SORCS1: variants seen among roughly 807,000 people sequenced by gnomAD.
SORCS1 encodes the protein VPS10 domain-containing receptor SorCS1.
A neutral mutation model predicts 146.1 loss-of-function variants in SORCS1; 60 were observed. The observed-to-expected ratio is 0.41, with a 90% CI of 0.33 to 0.51. The LOEUF (loss-of-function observed/expected upper bound fraction) is 0.51. Ranked by LOEUF, SORCS1 falls within the 20% of genes least tolerant of loss-of-function variation. The pLI is 0.21. For synonymous variants in SORCS1, 637 were observed against 584.0 expected (o/e 1.09, Z -1.31); for missense variants, 1,352 against 1,487.6 (o/e 0.91, Z 1.50).
rs148365903 is a variant in SORCS1, at chr10:107,007,864, C to T, written c.559-51284G>A. Among the ~76,000 whole-genome samples, 6 of 152,278 alleles carry T rather than the reference C, an allele frequency of 3.9e-5. No homozygotes were observed. In the East Asian group the frequency reaches 1.2e-3, roughly 29 times the overall value. The stretch of plus-strand genomic sequence containing the variant: ...AGCTGTGCAATAACAAACGAACATA[C>T]AACATATTCTTCACTTGTTCTTGGC... On this transcript the variant is annotated intron_variant, in intron 1 of 25. Coordinates refer to ENST00000263054, the MANE Select transcript of SORCS1 (RefSeq NM_052918.5).
intron 3 of SORCS1, among the ~76,000 whole-genome samples, chr10:106,803,760 G>C (rs969161984): frequency 2.0e-5 from 3 of 152,160 alleles, no homozygotes; most frequent in Admixed American, 2.0e-4. Flanking sequence ...TGTCAGAATT[G>C]TTACAGCCAA....
At chr10:107,163,620 C>T (rs1381755956) in intron 1 of SORCS1, among the ~76,000 whole-genome samples, 1 of 152,182 alleles carries the variant, frequency 6.6e-6, no homozygotes, top group African/African-American at 2.4e-5. Context: ...GTCAGCTTGC[C>T]TGGAAATTTA....
At chr10:106,986,347 TAAG>T (rs1956469641) in intron 1 of SORCS1, among the ~76,000 whole-genome samples, 1 of 152,164 alleles carries the variant, frequency 6.6e-6, no homozygotes, top group Non-Finnish European at 1.5e-5. Context: ...CTTACATATT[TAAG>T]AAGCTCAACA....
At chr10:106,762,386 CTTTTTTTT>C (rs869195563) in intron 4 of SORCS1, among the ~76,000 whole-genome samples, 3 of 73,828 alleles carry the variant, frequency 4.1e-5, no homozygotes, top group African/African-American at 1.2e-4. Context: ...TTTTATTATT[CTTTTTTTT>C]TTTTTTTTTT....
intron 2 of SORCS1, among the ~76,000 whole-genome samples, chr10:106,849,898 G>GGGGGTCA (rs1394467131): frequency 2.0e-5 from 3 of 151,850 alleles, no homozygotes; most frequent in Non-Finnish European, 4.4e-5. Flanking sequence ...TAGGCTGCTC[G>GGGGGTCA]GGGGTCAGGG....
At chr10:106,793,166 C>T (rs1007801783) in intron 3 of SORCS1, among the ~76,000 whole-genome samples, 9 of 152,112 alleles carry the variant, frequency 5.9e-5, no homozygotes, top group South Asian at 2.1e-4. Context: ...TACTAGAACA[C>T]GGAAAAGCAC....
chr10:106,720,306 C>A (rs527523249), intron 6 of SORCS1, among the ~76,000 whole-genome samples: 2 of 152,098 alleles, frequency 1.3e-5, no homozygotes, highest in East Asian at 1.9e-4. Context: ...GTGAAACAGA[C>A]CTGGCTTTAA....
intron 3 of SORCS1, among the ~76,000 whole-genome samples, chr10:106,818,687 C>T (rs1025578148): frequency 7.2e-5 from 11 of 152,166 alleles, no homozygotes; most frequent in African/African-American, 2.4e-4. Flanking sequence ...AGTAAGATAG[C>T]AGTGGAAATT....
chr10:106,989,307 A>AG (rs1462786587), intron 1 of SORCS1, among the ~76,000 whole-genome samples: 2 of 134,166 alleles, frequency 1.5e-5, no homozygotes, highest in Non-Finnish European at 3.4e-5. Context: ...AGAATACTCC[A>AG]ATGCCTTTCC....
chr10:107,017,924 C>T (rs1235189239), intron 1 of SORCS1, among the ~76,000 whole-genome samples: 3 of 152,126 alleles, frequency 2.0e-5, no homozygotes, highest in Non-Finnish European at 4.4e-5. Context: ...CCTTGGCCTC[C>T]CAAAGTGCTG....
Position 106,579,454 on chromosome 10 carries a change from G to T in SORCS1, c.3286C>A (p.Pro1096Thr). ...LTAAPLVDLTPTHSGSAMLML... is the reference protein window; with the variant it reads ...LTAAPLVDLTTTHSGSAMLML... ...AGCATGGCAGATCCACTGTGGGTTG[G>T]AGTGAGGTCCACCAGGGGGGCTTGT... Residue 1096 changes from proline (P) to threonine (T), a missense_variant, in exon 25 of 26, where the codon CCA becomes ACA. Physicochemically the swap from Pro to Thr is conservative, Grantham distance 38. Around this residue, in one of 3 missense-constraint regions of SORCS1, gnomAD observed 214 missense variants for 204.8 expected, o/e 1.05. Transcript: ENST00000263054. 1 of 1,613,816 alleles carries T rather than the reference G, an allele frequency of 6.2e-7. No individual in the cohort carries two copies. Among genetic ancestry groups the T allele is most frequent in the East Asian group, 2.2e-5 (1 of 44,848 alleles).
At chr10:106,839,754 T>A (rs1273186900) in intron 2 of SORCS1, among the ~76,000 whole-genome samples, 1 of 152,234 alleles carries the variant, frequency 6.6e-6, no homozygotes, top group African/African-American at 2.4e-5. Flanking sequence ...TGGGGGCTAA[T>A]GCAATTGGTG....
At chr10:106,746,285 G>A (rs959340183) in intron 5 of SORCS1, among the ~76,000 whole-genome samples, 2 of 152,140 alleles carry the variant, frequency 1.3e-5, no homozygotes, top group Admixed American at 6.5e-5. Context: ...GTTAACATTA[G>A]GTAAAGCTGG....
intron 3 of SORCS1, among the ~76,000 whole-genome samples, chr10:106,796,455 T>C (rs1946556611): frequency 6.6e-6 from 1 of 152,190 alleles, no homozygotes; most frequent in Non-Finnish European, 1.5e-5. Flanking sequence ...TGAAGGAAAA[T>C]TCTTCCACTG....
At chr10:107,078,124 T>C (rs1313459854) in intron 1 of SORCS1, among the ~76,000 whole-genome samples, 2 of 152,172 alleles carry the variant, frequency 1.3e-5, no homozygotes, top group East Asian at 1.9e-4. Context: ...TCCAATGTGA[T>C]GTACAACATT....
intron 4 of SORCS1, among the ~76,000 whole-genome samples, chr10:106,770,328 CAT>C (rs113136892): frequency 5.3e-5 from 8 of 152,224 alleles, no homozygotes; most frequent in African/African-American, 1.9e-4. Context: ...TACTTGGACT[CAT>C]AGAGCTCCAA....
rs527338653 is a variant in SORCS1, at chr10:107,028,469, A to G, written c.559-71889T>C. Among the ~76,000 whole-genome samples the G allele has an allele frequency of 2.6e-5, 4 of 152,362 alleles. No individual in the cohort carries two copies. The South Asian group carries it at 8.3e-4, about 32-fold the overall frequency. On this transcript the variant is annotated intron_variant, in intron 1 of 25. Coordinates refer to ENST00000263054, the MANE Select transcript of SORCS1 (RefSeq NM_052918.5). ...AAACCAGAGTGGTAATCTAGACCAC[A>G]TGCAATTTTAGTCACTACAATACAG...
intron 1 of SORCS1, among the ~76,000 whole-genome samples, chr10:107,130,347 C>A (rs933984658): frequency 6.6e-6 from 1 of 152,184 alleles, no homozygotes; most frequent in Admixed American, 6.5e-5. Flanking sequence ...AACAAATAAT[C>A]AACATTTCTC....
intron 6 of SORCS1, among the ~76,000 whole-genome samples, chr10:106,720,346 C>T (rs1259001611): frequency 6.6e-6 from 1 of 151,836 alleles, no homozygotes; most frequent in East Asian, 1.9e-4. Flanking sequence ...GGAAAAAACA[C>T]TTAATCTTTG....
Sources: gnomAD v4.1 joint callset for allele counts (sites outside exome capture counted in the v4.1 genomes callset) on GRCh38, gnomAD v4.1.1 for gene constraint, gnomAD v4.1.1 regional missense constraint, MANE v1.5 for transcripts, NCBI Gene and HGNC (gene_info 2026-07-23, HGNC 2026-07-21) for gene names.